LSAMP: variants seen among roughly 807,000 people sequenced by gnomAD.
LSAMP encodes limbic system associated membrane protein.
In LSAMP, 7 loss-of-function variants were observed where a neutral mutation model predicts 38.6. The observed-to-expected ratio is 0.18, with a 90% CI of 0.10 to 0.34. The LOEUF (loss-of-function observed/expected upper bound fraction) is 0.34. Ranked by LOEUF, LSAMP falls within the 10% of genes least tolerant of loss-of-function variation. The pLI is 1.00. For missense variants in LSAMP, 313 were observed against 420.0 expected, an observed-to-expected ratio of 0.75 and a Z score of 2.23; for synonymous variants, 154 against 166.8, an observed-to-expected ratio of 0.92 and a Z score of 0.59.
chr3:116,208,959 C>T (rs902966684), intron 1 of LSAMP, among the ~76,000 whole-genome samples: 3 of 152,228 alleles, frequency 2.0e-5, no homozygotes, highest in Admixed American at 2.0e-4. Flanking sequence ...CTTTGTTTAC[C>T]TAAGCAAGCC....
intron 1 of LSAMP, among the ~76,000 whole-genome samples, chr3:116,227,857 T>C (rs568266662): frequency 3.3e-5 from 5 of 152,264 alleles, no homozygotes; most frequent in Non-Finnish European, 7.4e-5. Context: ...ATTTTAAACA[T>C]AGAAATTCAG....
At chr3:116,395,754 C>T (rs989242800) in intron 1 of LSAMP, among the ~76,000 whole-genome samples, 1 of 152,144 alleles carries the variant, frequency 6.6e-6, no homozygotes. Context: ...GTATTTCAAC[C>T]TCTTTGGTTC....
chr3:116,087,134 C>T (rs925977353), intron 1 of LSAMP, among the ~76,000 whole-genome samples: 1 of 152,148 alleles, frequency 6.6e-6, no homozygotes, highest in African/African-American at 2.4e-5. Context: ...ACAAGGAAAT[C>T]AAAGCAAACA....
chr3:116,048,206 C>T (rs1437483770), intron 2 of LSAMP, among the ~76,000 whole-genome samples: 2 of 152,178 alleles, frequency 1.3e-5, no homozygotes, highest in African/African-American at 4.8e-5. Flanking sequence ...AATGACAGGG[C>T]TTCTGAATGA....
At chr3:116,246,217 C>T (rs549469243) in intron 1 of LSAMP, among the ~76,000 whole-genome samples, 26 of 152,270 alleles carry the variant, frequency 1.7e-4, no homozygotes, top group African/African-American at 6.3e-4. Flanking sequence ...GAGTGTAAAA[C>T]ACATTCTTAT....
At chr3:115,875,761 TA>T (rs879449227) in intron 3 of LSAMP, among the ~76,000 whole-genome samples, 25 of 151,480 alleles carry the variant, frequency 1.7e-4, no homozygotes, top group African/African-American at 2.4e-4. Context: ...ATGATTGTGT[TA>T]AAAAAAAATC....
chr3:115,965,508 A>C (rs930407116), intron 3 of LSAMP, among the ~76,000 whole-genome samples: 6 of 151,928 alleles, frequency 3.9e-5, no homozygotes, highest in Admixed American at 3.9e-4. Context: ...AGAACAGATT[A>C]ATAAATTCAA....
At chr3:116,165,388 T>C (rs1710024758) in intron 1 of LSAMP, among the ~76,000 whole-genome samples, 1 of 152,224 alleles carries the variant, frequency 6.6e-6, no homozygotes, top group Admixed American at 6.5e-5. Context: ...CCTATCTTGT[T>C]TGCTGGCAAC....
At chr3:116,164,651 AAT>A (rs1379641336) in intron 1 of LSAMP, among the ~76,000 whole-genome samples, 29 of 91,906 alleles carry the variant, frequency 3.2e-4, no homozygotes, top group East Asian at 1.0e-3. Context: ...ATATAATCCA[AAT>A]ATATATATAT....
chr3:116,297,859 C>T (rs1376603621), intron 1 of LSAMP, among the ~76,000 whole-genome samples: 1 of 152,096 alleles, frequency 6.6e-6, no homozygotes, highest in African/African-American at 2.4e-5. Context: ...TTTAGTTTTG[C>T]TCATGTTTTC....
chr3:116,257,361 G>T (rs1283624849), intron 1 of LSAMP, among the ~76,000 whole-genome samples: 2 of 152,004 alleles, frequency 1.3e-5, no homozygotes, highest in African/African-American at 4.8e-5. Context: ...ATTAAGTAGG[G>T]TTACTCTTTT....
chr3:116,034,780 CTGTG>C (rs916393224), intron 2 of LSAMP, among the ~76,000 whole-genome samples: 44 of 152,112 alleles, frequency 2.9e-4, no homozygotes, highest in African/African-American at 9.9e-4. Flanking sequence ...TGATTACAGG[CTGTG>C]TGAGAGAACA....
At chr3:116,098,564 C>T (rs555077675) in intron 1 of LSAMP, among the ~76,000 whole-genome samples, 2 of 152,260 alleles carry the variant, frequency 1.3e-5, no homozygotes, top group African/African-American at 4.8e-5. Context: ...GAATTATAAT[C>T]ATAAGAATTT....
chr3:115,930,001 A>ATTTT (rs1559885246), intron 3 of LSAMP, among the ~76,000 whole-genome samples: 5 of 25,342 alleles, frequency 2.0e-4, no homozygotes, highest in Non-Finnish European at 5.8e-4. Flanking sequence ...ATTTAGCAGA[A>ATTTT]GTTTTTTTTT....
chr3:116,278,491 A>T (rs2047083180), intron 1 of LSAMP, among the ~76,000 whole-genome samples: 1 of 152,222 alleles, frequency 6.6e-6, no homozygotes, highest in Non-Finnish European at 1.5e-5. Context: ...GAAATAAACA[A>T]GAGAAATGGA....
At position 115,948,595 on chromosome 3, in the gene LSAMP, C is replaced by T. The variant is rs149123671; in HGVS notation, c.514+70920G>A. Among the ~76,000 whole-genome samples, 1,038 of 152,238 alleles carry T rather than the reference C, an allele frequency of 6.8e-3. 10 individuals carry two copies. Among genetic ancestry groups the T allele is most frequent in the African/African-American group, 0.022 (911 of 41,554 alleles). On this transcript the variant is annotated intron_variant, in intron 3 of 6. Coordinates refer to ENST00000490035, the MANE Select transcript of LSAMP (RefSeq NM_002338.5). ...TCTTTTAACTGAACAATAATAGTGA[C>T]ACAACTTATCAAATCCTGTGGGATA...
In LSAMP at chr3:115,802,483, T is replaced by C. The variant is rs1029419812; in HGVS notation, c.*7834A>G. 4 of 151,734 alleles carry C rather than the reference T, an allele frequency of 2.6e-5. No individual in the cohort carries two copies. Among genetic ancestry groups the C allele is most frequent in the Non-Finnish European group, 4.4e-5 (3 of 67,990 alleles). The allele number at this position is 151,734 out of a possible 1,614,324, so 9.4% of individuals were successfully genotyped here. ...AAGAGAGAAACAGAATTTAAATACATTTAAAAAGAAAAGAAAAAAAGCTTT... is the reference window on the plus strand; with the variant it reads ...AAGAGAGAAACAGAATTTAAATACACTTAAAAAGAAAAGAAAAAAAGCTTT... On this transcript the variant is annotated 3_prime_UTR_variant, in exon 7 of 7. Coordinates refer to ENST00000490035, the MANE Select transcript of LSAMP (RefSeq NM_002338.5).
chr3:115,885,632 T>C (rs1179249596), intron 3 of LSAMP, among the ~76,000 whole-genome samples: 16 of 14,846 alleles, frequency 1.1e-3, no homozygotes, highest in Non-Finnish European at 3.8e-4. Flanking sequence ...TTTGTGTGTG[T>C]GGGGGTGGGT....
At chr3:115,875,454 A>G (rs895940099) in intron 3 of LSAMP, among the ~76,000 whole-genome samples, 1 of 152,098 alleles carries the variant, frequency 6.6e-6, no homozygotes, top group African/African-American at 2.4e-5. Flanking sequence ...ATAGAAACCT[A>G]TTACTAAAGG....
Sources: allele counts gnomAD v4.1 joint callset (sites outside exome capture counted in the v4.1 genomes callset), GRCh38; gene constraint gnomAD v4.1.1; transcripts MANE v1.5; gene names NCBI Gene and HGNC (gene_info 2026-07-23, HGNC 2026-07-21).